CTNNA2: variants seen among roughly 807,000 people sequenced by gnomAD.
The protein encoded by CTNNA2 is catenin alpha-2.
Under a neutral mutation model 101.0 loss-of-function variants are expected in CTNNA2, and 42 were observed. That is an observed-to-expected ratio of 0.42 (90% CI 0.32 to 0.54). The LOEUF (loss-of-function observed/expected upper bound fraction) is 0.54, where lower values mean the gene tolerates loss of function less well. Among genes scored for constraint, CTNNA2 ranks in the 20% least tolerant of loss-of-function variants. The probability of loss-of-function intolerance (pLI) is 0.14; values close to 1 mark genes in which losing one functional copy is unlikely to be tolerated. For missense variants in CTNNA2, 871 were observed against 1,223.1 expected, an observed-to-expected ratio of 0.71 and a Z score of 4.29; for synonymous variants, 450 against 456.4, an observed-to-expected ratio of 0.99 and a Z score of 0.18.
chr2:80,493,338 T>C (rs1273525053), intron 9 of CTNNA2, among the ~76,000 whole-genome samples: 3 of 152,184 alleles, frequency 2.0e-5, no homozygotes, highest in African/African-American at 7.2e-5. Context: ...GCCACGGTGA[T>C]CAGCGTCTCT....
chr2:79,813,589 T>A (rs1677220123), intron 3 of CTNNA2, among the ~76,000 whole-genome samples: 1 of 152,080 alleles, frequency 6.6e-6, no homozygotes, highest in African/African-American at 2.4e-5. Context: ...GAGTGGAGAT[T>A]TCAAGTAGAC....
chr2:80,297,474 C>T, intron 7 of CTNNA2, among the ~76,000 whole-genome samples: 1 of 152,110 alleles, frequency 6.6e-6, no homozygotes, highest in East Asian at 1.9e-4. Flanking sequence ...TTGTATTTCT[C>T]CATCTCATTT....
intron 7 of CTNNA2, among the ~76,000 whole-genome samples, chr2:80,276,654 A>G (rs1355343925): frequency 6.6e-6 from 1 of 151,442 alleles, no homozygotes; most frequent in African/African-American, 2.4e-5. Flanking sequence ...AGAGGAGGAG[A>G]AGGAGGAGGA....
rs1695566313 is a variant in CTNNA2 at position 80,581,810 on chromosome 2, G to A, written c.1998G>A (p.Gln666=). 2 of 1,602,016 alleles carry A rather than the reference G, an allele frequency of 1.2e-6. No individual in the cohort carries two copies. Among genetic ancestry groups the A allele is most frequent in the Non-Finnish European group, 1.7e-6 (2 of 1,169,330 alleles). ...AGGATGACCAGCTCATTGCAGGGCA[G>A]AGCGCACGGGTGAGTGGACACCTAA... ...QTEDDQLIAG[Q]SARAIMAQLP... is the part of the protein sequence containing the mutation. The change falls in exon 14 of 19, where the codon CAG becomes CAA. Residue 666 remains glutamine (Q), a synonymous_variant. Transcript: ENST00000402739.
intron 7 of CTNNA2, among the ~76,000 whole-genome samples, chr2:80,104,794 A>T (rs180797539): frequency 1.8e-3 from 276 of 152,342 alleles, no homozygotes; most frequent in African/African-American, 6.4e-3. Flanking sequence ...TGATTTCTTT[A>T]TGCATTTTAA....
At chr2:79,978,970 T>G (rs1386460757) in intron 7 of CTNNA2, among the ~76,000 whole-genome samples, 1 of 152,168 alleles carries the variant, frequency 6.6e-6, no homozygotes, top group East Asian at 1.9e-4. Context: ...ATGTCAAGAC[T>G]TTTGTAAATG....
At position 80,490,271 on chromosome 2, in the gene CTNNA2, T is replaced by TCCC. The variant is rs1185906142; in HGVS notation, c.1291-54705_1291-54703dup. Among the ~76,000 whole-genome samples the TCCC allele has an allele frequency of 6.4e-3, 329 of 51,808 alleles. 2 individuals are homozygous for TCCC. Among genetic ancestry groups the TCCC allele is most frequent in the African/African-American group, 0.02 (180 of 9,120 alleles). 34.0% of individuals were successfully genotyped at this position (51,808 alleles called of 152,430 possible). The stretch of plus-strand genomic sequence containing the variant: ...TTCAGAGTTGGCATTTTTTTTTCCT[T>TCCC]CCCCCCCCACCCCCCCCCCGGTAAA... On this transcript the variant is annotated intron_variant, in intron 9 of 18. Transcript: ENST00000402739.
rs556787755 is a variant in CTNNA2 at position 80,093,866 on chromosome 2, T to G, written c.1056+184069T>G. ...TTGATGGGGTTGTTTGTTTTTTTCT[T>G]GTAAATTTGTTTGAGTTCATTGTAG... On this transcript the variant is annotated intron_variant, in intron 7 of 18. Transcript: ENST00000402739. Among the ~76,000 whole-genome samples the G allele has an allele frequency of 2.6e-3, 393 of 152,268 alleles. 4 individuals are homozygous for G. The South Asian group carries it at 0.034, about 13-fold the overall frequency.
At position 80,302,305 on chromosome 2, in the gene CTNNA2, G is replaced by A; in HGVS notation, c.1057-90906G>A. The A allele has an allele frequency of 2.5e-6, 4 of 1,614,190 alleles. No individual in the cohort carries two copies. The highest frequency in any genetic ancestry group is 2.5e-6 in the Non-Finnish European group (3 of 1,180,036). On this transcript the variant is annotated intron_variant, in intron 7 of 18. Coordinates refer to ENST00000402739, the MANE Select transcript of CTNNA2 (RefSeq NM_001282597.3). The surrounding 1 kb of genome is among the most constrained non-coding windows in gnomAD (Gnocchi z 6.4). The stretch of plus-strand genomic sequence containing the variant: ...GGTGGCAGGTACACGAGCCATACTC[G>A]TTGATGATCACCAGGGCTCCCTCAA...
At chr2:80,279,594 C>T (rs1387004465) in intron 7 of CTNNA2, among the ~76,000 whole-genome samples, 1 of 152,082 alleles carries the variant, frequency 6.6e-6, no homozygotes, top group Non-Finnish European at 1.5e-5. Flanking sequence ...CTCTTCAGCT[C>T]TCAGCTTATT....
At chr2:79,382,362 A>C (rs528674467) in intron 4 of CTNNA2, among the ~76,000 whole-genome samples, 34 of 152,196 alleles carry the variant, frequency 2.2e-4, no homozygotes, top group African/African-American at 7.9e-4. Context: ...CCAATCTCTC[A>C]TAATAATTTT....
At chr2:80,464,995 T>A in intron 9 of CTNNA2, among the ~76,000 whole-genome samples, 1 of 152,178 alleles carries the variant, frequency 6.6e-6, no homozygotes, top group East Asian at 1.9e-4. Context: ...TCATAAATAC[T>A]AATTTCACAG....
chr2:79,491,876 T>C (rs1671209709), intron 4 of CTNNA2, among the ~76,000 whole-genome samples: 1 of 152,164 alleles, frequency 6.6e-6, no homozygotes, highest in African/African-American at 2.4e-5. Flanking sequence ...TACCTCTATA[T>C]GATGAAATAA....
At chr2:80,066,004 C>T (rs1260667637) in intron 7 of CTNNA2, among the ~76,000 whole-genome samples, 1 of 152,148 alleles carries the variant, frequency 6.6e-6, no homozygotes, top group Non-Finnish European at 1.5e-5. Flanking sequence ...TCTACAGGAA[C>T]TTGGTGACTA....
At chr2:80,560,123 C>A (rs1378921734) in intron 12 of CTNNA2, among the ~76,000 whole-genome samples, 3 of 150,894 alleles carry the variant, frequency 2.0e-5, no homozygotes, top group Non-Finnish European at 4.4e-5. Flanking sequence ...ACTCTGTATG[C>A]AGAGATTAAA....
intron 4 of CTNNA2, among the ~76,000 whole-genome samples, chr2:79,457,834 C>T (rs1283386408): frequency 6.6e-6 from 1 of 152,162 alleles, no homozygotes. Context: ...CTCTACCTTC[C>T]CCTACCTCTC....
chr2:80,364,898 A>G (rs546277276), intron 7 of CTNNA2, among the ~76,000 whole-genome samples: 48 of 152,176 alleles, frequency 3.2e-4, no homozygotes, highest in African/African-American at 1.2e-3. Context: ...TGGGCTCTAG[A>G]GGGGAGAACA....
intron 3 of CTNNA2, among the ~76,000 whole-genome samples, chr2:79,825,159 G>A (rs1678325445): frequency 2.0e-5 from 3 of 152,138 alleles, no homozygotes; most frequent in Admixed American, 6.6e-5. Flanking sequence ...ACTGCACTCC[G>A]ACCAGGGTGA....
chr2:80,643,745 TA>T (rs1673741493), intron 18 of CTNNA2, among the ~76,000 whole-genome samples: 1 of 152,128 alleles, frequency 6.6e-6, no homozygotes, highest in South Asian at 2.1e-4. Context: ...TGCTTCAGAA[TA>T]ATGGAGCAAA....
Sources: gnomAD v4.1 joint callset for allele counts (sites outside exome capture counted in the v4.1 genomes callset) on GRCh38, gnomAD v4.1.1 for gene constraint, Gnocchi (gnomAD v3.1) non-coding constraint, MANE v1.5 for transcripts, NCBI Gene and HGNC (gene_info 2026-07-23, HGNC 2026-07-21) for gene names.